TFCP2: variants seen among roughly 807,000 people sequenced by gnomAD.
TFCP2 encodes the protein alpha-globin transcription factor CP2.
A neutral mutation model predicts 73.4 loss-of-function variants in TFCP2; 33 were observed. That is an observed-to-expected ratio of 0.45 (90% CI 0.34 to 0.60). The LOEUF (loss-of-function observed/expected upper bound fraction) is 0.60. TFCP2 is among the 20% of genes least tolerant of loss of function. The pLI, the probability that TFCP2 is intolerant of heterozygous loss-of-function variation, is 0.01. For synonymous variants in TFCP2, 193 were observed against 211.6 expected, an observed-to-expected ratio of 0.91 and a Z score of 0.76; for missense variants, 352 against 604.0, an observed-to-expected ratio of 0.58 and a Z score of 4.37.
At chr12:51,122,574 T>G (rs577029417) in intron 1 of TFCP2, among the ~76,000 whole-genome samples, 1 of 152,274 alleles carries the variant, frequency 6.6e-6, no homozygotes, top group East Asian at 1.9e-4. Flanking sequence ...AACAATTTTC[T>G]AATCGTTAAA....
chr12:51,162,337 G>A lies in TFCP2; in HGVS notation c.122+9964C>T, dbSNP rs115708635. 6.7e-3 allele frequency among the ~76,000 whole-genome samples: 1,025 copies of A among 151,862 alleles called. 12 individuals carry two copies. Among genetic ancestry groups the A allele is most frequent in the African/African-American group, 0.023 (948 of 41,398 alleles). On this transcript the variant is annotated intron_variant, in intron 1 of 14. Coordinates refer to ENST00000257915, the MANE Select transcript of TFCP2 (RefSeq NM_005653.5). ...AGCCCATGGCTGTAGTCCCCGCTAC[G>A]CAGGAGGCTGACGCAGGAGACTTGC... is the stretch of plus-strand genomic sequence containing the variant.
chr12:51,107,771 T>C (rs1418920161), intron 6 of TFCP2, among the ~76,000 whole-genome samples: 4 of 151,936 alleles, frequency 2.6e-5, no homozygotes, highest in African/African-American at 9.7e-5. Context: ...CACACCCAGC[T>C]AATTTTTTAT....
intron 1 of TFCP2, 90 bp downstream of exon 1, chr12:51,172,211 T>C: frequency 1.9e-6 from 3 of 1,545,118 alleles, no homozygotes; most frequent in South Asian, 2.4e-5. Flanking sequence ...TTTAAAACTC[T>C]ATACACCTCC....
chr12:51,104,232 A>C, intron 8 of TFCP2, 29 bp from the exon 9 acceptor site: 1 of 1,599,454 alleles, frequency 6.3e-7, no homozygotes. Context: ...TGAAAGGATG[A>C]GTCCATGACA....
chr12:51,125,573 C>T (rs574780122), intron 1 of TFCP2, among the ~76,000 whole-genome samples: 88 of 152,280 alleles, frequency 5.8e-4, no homozygotes, highest in Non-Finnish European at 1.0e-3. Flanking sequence ...TTTCTTTAGC[C>T]CTTCTGTCTA....
At chr12:51,120,671 G>A (rs546900908) in intron 1 of TFCP2, among the ~76,000 whole-genome samples, 36 of 152,290 alleles carry the variant, frequency 2.4e-4, no homozygotes, top group African/African-American at 7.9e-4. Flanking sequence ...GCTCACGGCT[G>A]TAATTCCAGC....
intron 1 of TFCP2, among the ~76,000 whole-genome samples, chr12:51,162,020 C>T (rs1474086265): frequency 6.6e-6 from 1 of 151,168 alleles, no homozygotes; most frequent in East Asian, 1.9e-4. Context: ...CATAAAGATA[C>T]AAGAGCCAAA....
chr12:51,132,295 T>C (rs1592814907), intron 1 of TFCP2, among the ~76,000 whole-genome samples: 1 of 146,632 alleles, frequency 6.8e-6, no homozygotes, highest in East Asian at 2.0e-4. Flanking sequence ...GGCTGGTAAC[T>C]TGCTTTAACA....
intron 6 of TFCP2, among the ~76,000 whole-genome samples, chr12:51,107,755 C>T (rs1487566702): frequency 2.6e-5 from 4 of 151,708 alleles, no homozygotes; most frequent in South Asian, 2.1e-4. Flanking sequence ...TACAGGCGTC[C>T]GCCACCACAC....
intron 1 of TFCP2, among the ~76,000 whole-genome samples, chr12:51,171,904 C>G (rs1207297818): frequency 1.3e-5 from 2 of 152,188 alleles, no homozygotes; most frequent in Non-Finnish European, 2.9e-5. Flanking sequence ...CAATATTCAT[C>G]ATTAAGCACC....
chr12:51,100,578 A>G (rs944741330), intron 11 of TFCP2, among the ~76,000 whole-genome samples: 1 of 152,030 alleles, frequency 6.6e-6, no homozygotes, highest in Non-Finnish European at 1.5e-5. Flanking sequence ...CACTTTAGGA[A>G]GGCGAGTCAG....
In TFCP2 at chr12:51,133,203, C is replaced by T. The variant is rs1355332638; in HGVS notation, c.123-14431G>A. 2.6e-5 allele frequency among the ~76,000 whole-genome samples: 4 copies of T among 152,104 alleles called. No homozygotes were observed. The East Asian group carries it at 5.8e-4, about 22-fold the overall frequency. On this transcript the variant is annotated intron_variant, in intron 1 of 14. Coordinates refer to ENST00000257915, the MANE Select transcript of TFCP2 (RefSeq NM_005653.5). The stretch of plus-strand genomic sequence containing the variant: ...TAAGAAAAAATAACAGAGCACAAAA[C>T]CACCTCAGATTACAATATAACTCAT...
Position 51,160,124 on chromosome 12 carries a change from C to T in TFCP2, c.122+12177G>A, listed in dbSNP as rs868765430. Among the ~76,000 whole-genome samples the T allele has an allele frequency of 4.8e-5, 7 of 144,654 alleles. No homozygotes were observed. In the South Asian group the frequency reaches 1.1e-3, roughly 23 times the overall value. The allele number at this position is 144,654 out of a possible 152,430, so 94.9% of individuals were successfully genotyped here. On this transcript the variant is annotated intron_variant, in intron 1 of 14. Coordinates refer to ENST00000257915, the MANE Select transcript of TFCP2 (RefSeq NM_005653.5). ...TCCTACTTTATCAACTTCCCAGAAT[C>T]CTCTCTGAATTTTTTTTTTTTTTTT...
chr12:51,157,315 C>A (rs1318777477), intron 1 of TFCP2, among the ~76,000 whole-genome samples: 1 of 152,212 alleles, frequency 6.6e-6, no homozygotes, highest in Middle Eastern at 3.4e-3. Flanking sequence ...AGACACTGTG[C>A]CCGGCCCATG....
intron 1 of TFCP2, among the ~76,000 whole-genome samples, chr12:51,148,215 G>T (rs765133950): frequency 3.3e-5 from 5 of 152,178 alleles, no homozygotes; most frequent in Non-Finnish European, 5.9e-5. Flanking sequence ...CCACTAGGAA[G>T]AACAGTGTGG....
At chr12:51,124,624 T>C (rs1336749990) in intron 1 of TFCP2, 1 of 543,282 alleles carries the variant, frequency 1.8e-6, no homozygotes, top group Non-Finnish European at 3.5e-6. Context: ...CGCCGGCAGG[T>C]AGGTCATGTT....
intron 1 of TFCP2, among the ~76,000 whole-genome samples, chr12:51,157,273 CAGCCTCCCAA>C (rs555876583): frequency 7.3e-4 from 111 of 152,088 alleles, no homozygotes; most frequent in African/African-American, 2.5e-3. Flanking sequence ...CCGCCCACCT[CAGCCTCCCAA>C]AGTGCTGGGA....
At chr12:51,136,688 C>A (rs1288691979) in intron 1 of TFCP2, among the ~76,000 whole-genome samples, 2 of 152,124 alleles carry the variant, frequency 1.3e-5, no homozygotes, top group Non-Finnish European at 2.9e-5. Flanking sequence ...ATAATCCCAG[C>A]ACTTTGGGAG....
At chr12:51,159,005 T>A (rs1287838880) in intron 1 of TFCP2, among the ~76,000 whole-genome samples, 14 of 104,402 alleles carry the variant, frequency 1.3e-4, no homozygotes, top group South Asian at 3.6e-4. Context: ...CTACTAAAAA[T>A]CCAAAAAAAA....
Sources: allele counts gnomAD v4.1 joint callset (sites outside exome capture counted in the v4.1 genomes callset), GRCh38; gene constraint gnomAD v4.1.1; transcripts MANE v1.5; gene names NCBI Gene and HGNC (gene_info 2026-07-23, HGNC 2026-07-21).